SNED1: variants seen among roughly 807,000 people sequenced by gnomAD.
SNED1 encodes sushi, nidogen and EGF like domains 1, also known as sushi, nidogen and EGF-like domain-containing protein 1.
SNED1 carries 81 observed loss-of-function variants against 166.7 expected under a neutral mutation model. The observed-to-expected ratio is 0.49, with a 90% CI of 0.41 to 0.58. The LOEUF (loss-of-function observed/expected upper bound fraction) is 0.58. SNED1 is among the 20% of genes least tolerant of loss of function. SNED1 has a pLI of 0.00. For missense variants in SNED1, 1,604 were observed against 2,000.2 expected (o/e 0.80, Z 3.78); for synonymous variants, 762 against 822.0 (o/e 0.93, Z 1.25).
chr2:241,077,739 A>G (rs2063097531), intron 27 of SNED1, among the ~76,000 whole-genome samples: 1 of 152,210 alleles, frequency 6.6e-6, no homozygotes, highest in African/African-American at 2.4e-5. Flanking sequence ...CAGTAATCAC[A>G]CCGAAAAGAT....
At chr2:241,050,255 G>T (rs920617176) in intron 12 of SNED1, among the ~76,000 whole-genome samples, 5 of 152,174 alleles carry the variant, frequency 3.3e-5, no homozygotes, top group African/African-American at 1.2e-4. Flanking sequence ...ATAGGATTTT[G>T]CTCAATCTAA....
At chr2:241,042,155 A>G (rs2061538229) in intron 8 of SNED1, among the ~76,000 whole-genome samples, 1 of 152,206 alleles carries the variant, frequency 6.6e-6, no homozygotes, top group Admixed American at 6.5e-5. Flanking sequence ...AGGAGGGAGC[A>G]TGAGATCAAG....
rs2062366784 is a variant in SNED1 at position 241,064,736 on chromosome 2, C to A, written c.2600-108C>A. ...CAGTAGCTGTCCTGTGCCCCCCGCCCCTCCACACCCACGCAGGAGGGACCC... is the reference window on the plus strand; with the variant it reads ...CAGTAGCTGTCCTGTGCCCCCCGCCACTCCACACCCACGCAGGAGGGACCC... On this transcript the variant is annotated intron_variant, in intron 19 of 31. Coordinates refer to ENST00000310397, the MANE Select transcript of SNED1 (RefSeq NM_001080437.3). This position sits in a 1 kb window ranked among gnomAD's most constrained non-coding sequence, Gnocchi z 7.0. 3.5e-5 allele frequency: 26 copies of A among 744,038 alleles called. No homozygotes were observed. In the South Asian group the frequency reaches 4.7e-4, roughly 13 times the overall value. The allele number at this position is 744,038 out of a possible 1,614,324, so 46.1% of individuals were successfully genotyped here. A position where few individuals can be genotyped will look rare whatever the true frequency, so the allele number is the denominator to read the frequency against.
rs1439362862 is a variant in SNED1, at chr2:241,082,380, T to C, written c.4121+16T>C. 1.3e-6 allele frequency: 2 copies of C among 1,595,010 alleles called. No individual in the cohort carries two copies. The highest frequency in any genetic ancestry group is 2.2e-5 in the East Asian group (1 of 44,582). ...GTCACCACGTGTAAGTTGGTTTCTG[T>C]CCTCCGCCTTACCGCATTTGTCGTG... is the stretch of plus-strand genomic sequence containing the variant. On this transcript the variant is annotated intron_variant, in intron 29 of 31. Coordinates refer to ENST00000310397, the MANE Select transcript of SNED1 (RefSeq NM_001080437.3).
At chr2:241,060,000 C>T (rs1206383394) in intron 16 of SNED1, among the ~76,000 whole-genome samples, 1 of 152,060 alleles carries the variant, frequency 6.6e-6, no homozygotes, top group African/African-American at 2.4e-5. Context: ...GGAAATTCTA[C>T]AAAAGAAGCT....
chr2:241,026,109 G>A (rs952896338), intron 1 of SNED1, among the ~76,000 whole-genome samples: 16 of 133,962 alleles, frequency 1.2e-4, no homozygotes, highest in Admixed American at 2.7e-4. Context: ...TCCGCCTCCC[G>A]GGTTCAAGCA....
chr2:241,071,461 C>T (rs2062711698), intron 24 of SNED1, 115 bp from the exon 25 acceptor site: 9 of 1,256,268 alleles, frequency 7.2e-6, no homozygotes, highest in Non-Finnish European at 1.0e-5. Context: ...CGCACATGCC[C>T]CCCTTCCCTT....
chr2:241,071,701 A>ACCCCCCCCCCCCCC lies in SNED1; in HGVS notation c.3720_3721insCCCCCCCCCCCCCC (p.Thr1241ProfsTer21). ...GCTCAATGACCACAGCGCCCCCGAGACCCCCACCCAGCCCCCCAGGTACAT... is the reference window on the plus strand; with the variant it reads ...GCTCAATGACCACAGCGCCCCCGAGACCCCCCCCCCCCCCCCCCCACCCAGCCCCCCAGGTACAT... On this transcript the variant is annotated frameshift_variant, in exon 25 of 32. Transcript: ENST00000310397. LOFTEE classifies it high-confidence loss of function. 7.8e-7 allele frequency: 1 copy of ACCCCCCCCCCCCCC among 1,281,770 alleles called. No homozygotes were observed. Among genetic ancestry groups the ACCCCCCCCCCCCCC allele is most frequent in the Non-Finnish European group, 1.1e-6 (1 of 928,624 alleles). 79.4% of individuals were successfully genotyped at this position (1,281,770 alleles called of 1,614,324 possible). A position where few individuals can be genotyped will look rare whatever the true frequency, so the allele number is the denominator to read the frequency against.
At chr2:241,038,322 G>GT (rs1315436066) in intron 6 of SNED1, among the ~76,000 whole-genome samples, 1 of 152,204 alleles carries the variant, frequency 6.6e-6, no homozygotes, top group Non-Finnish European at 1.5e-5. Context: ...GTCATGGGAG[G>GT]TTTTTTAAAG....
At chr2:241,010,747 G>A (rs1275701311) in intron 1 of SNED1, 1 of 152,388 alleles carries the variant, frequency 6.6e-6, no homozygotes, top group African/African-American at 2.4e-5. Context: ...TTTTCCAGGC[G>A]GCCTGTGTGT....
intron 27 of SNED1, among the ~76,000 whole-genome samples, chr2:241,081,298 G>A (rs978929604): frequency 1.3e-5 from 2 of 151,882 alleles, no homozygotes; most frequent in African/African-American, 2.4e-5. Context: ...AGCAGAAACC[G>A]TGTTCAGGGG....
At chr2:241,000,047 G>A (rs999177578) in intron 1 of SNED1, among the ~76,000 whole-genome samples, 4 of 151,920 alleles carry the variant, frequency 2.6e-5, no homozygotes, top group Non-Finnish European at 2.9e-5. Context: ...TGTGCTGCCC[G>A]GAGTAACACC....
At chr2:241,021,667 C>A (rs972504781) in intron 1 of SNED1, among the ~76,000 whole-genome samples, 3 of 152,182 alleles carry the variant, frequency 2.0e-5, no homozygotes, top group African/African-American at 4.8e-5. Context: ...TGTATCCATT[C>A]ATGAGTTGAT....
chr2:241,081,219 CAG>C (rs1050454603), intron 27 of SNED1, among the ~76,000 whole-genome samples: 22 of 152,140 alleles, frequency 1.4e-4, no homozygotes, highest in African/African-American at 3.1e-4. Flanking sequence ...ACAGGAAACA[CAG>C]GGGTGGGATC....
rs2061844115 is a variant in SNED1, at chr2:241,051,633, C to T, written c.1736-111C>T. On this transcript the variant is annotated intron_variant, in intron 12 of 31. Transcript: ENST00000310397. The surrounding 1 kb of genome is among the most constrained non-coding windows in gnomAD (Gnocchi z 4.7). ...CTGCAGCCAGGCCCCAGGGCTTCGT[C>T]GAGAAGGCCCCACCAGCACCAGAGG... 3.5e-6 allele frequency: 3 copies of T among 863,940 alleles called. No homozygotes were observed. Among genetic ancestry groups the T allele is most frequent in the African/African-American group, 1.7e-5 (1 of 58,436 alleles). The allele number at this position is 863,940 out of a possible 1,614,324, so 53.5% of individuals were successfully genotyped here. A position where few individuals can be genotyped will look rare whatever the true frequency, so the allele number is the denominator to read the frequency against.
At chr2:241,090,235 G>C (rs1174427991) in intron 31 of SNED1, 6 of 1,491,042 alleles carry the variant, frequency 4.0e-6, no homozygotes, top group African/African-American at 1.4e-5. Context: ...TTTAACTTTT[G>C]TTAAAAACTA....
chr2:241,063,269 C>A, intron 17 of SNED1: 1 of 492,042 alleles, frequency 2.0e-6, no homozygotes, highest in East Asian at 3.8e-5. Context: ...GGGCTCTAAG[C>A]CTGAGAAACG....
At position 241,069,039 on chromosome 2, in the gene SNED1, C is replaced by G; in HGVS notation, c.3307+16C>G. 1 of 1,519,482 alleles carries G rather than the reference C, an allele frequency of 6.6e-7. No individual in the cohort carries two copies. Among genetic ancestry groups the G allele is most frequent in the South Asian group, 1.2e-5 (1 of 82,664 alleles). The allele number at this position is 1,519,482 out of a possible 1,614,324, so 94.1% of individuals were successfully genotyped here. On this transcript the variant is annotated intron_variant, in intron 23 of 31. Transcript: ENST00000310397. This position sits in a 1 kb window ranked among gnomAD's most constrained non-coding sequence, Gnocchi z 4.9. The stretch of plus-strand genomic sequence containing the variant: ...GTGTGGACCCGTGAGTAGAGCAGCG[C>G]GGCCCCCGGCACACGAAAGGCCGTC...
chr2:241,039,501 GCT>G (rs2061463170), intron 6 of SNED1, among the ~76,000 whole-genome samples: 1 of 152,138 alleles, frequency 6.6e-6, no homozygotes, highest in Non-Finnish European at 1.5e-5. Context: ...TGGGCCAGGT[GCT>G]CTGGACTCAA....
Sources: gnomAD v4.1 joint callset for allele counts (sites outside exome capture counted in the v4.1 genomes callset) on GRCh38, gnomAD v4.1.1 for gene constraint, Gnocchi (gnomAD v3.1) non-coding constraint, MANE v1.5 for transcripts, NCBI Gene and HGNC (gene_info 2026-07-23, HGNC 2026-07-21) for gene names.